The following MYH16 variants were observed in gnomAD, a reference collection of about 807,000 sequenced individuals.
MYH16 encodes the protein putative uncharacterized protein MYH16.
At chr7:99,270,716 T>C (rs1406748156) in intron 18 of MYH16, among the ~76,000 whole-genome samples, 1 of 151,734 alleles carries the variant, frequency 6.6e-6, no homozygotes, top group Non-Finnish European at 1.5e-5. Flanking sequence ...ACCCTATCTC[T>C]ACAATAATAA....
intron 20 of MYH16, among the ~76,000 whole-genome samples, chr7:99,274,712 C>T: frequency 7.5e-6 from 1 of 133,152 alleles, no homozygotes; most frequent in African/African-American, 3.0e-5. Context: ...CTCACTCTGT[C>T]ACCCAGGCTG....
chr7:99,284,080 A>C, intron 25 of MYH16, 62 bp downstream of exon 7: 1 of 398,252 alleles, frequency 2.5e-6, no homozygotes, highest in South Asian at 1.9e-5. Flanking sequence ...AGCTGCCTGG[A>C]GGGTGCCAGG....
chr7:99,285,567 C>A (rs1367793228), intron 27 of MYH16, 129 bp downstream of exon 9: 2 of 403,060 alleles, frequency 5.0e-6, no homozygotes, highest in South Asian at 1.9e-5. Context: ...AGTCTAGTTG[C>A]TTCTGGAGCA....
chr7:99,258,932 G>A (rs1451212160), intron 11 of MYH16, among the ~76,000 whole-genome samples: 1 of 152,128 alleles, frequency 6.6e-6, no homozygotes, highest in Non-Finnish European at 1.5e-5. Context: ...CTGCATGGCT[G>A]GGGAGGCCTC....
intron 27 of MYH16, among the ~76,000 whole-genome samples, chr7:99,285,785 T>C (rs1223586806): frequency 6.6e-6 from 1 of 152,154 alleles, no homozygotes; most frequent in Non-Finnish European, 1.5e-5. Flanking sequence ...CCTACCTTCA[T>C]TGGGATGAAG....
At chr7:99,294,133 A>ACCT (rs1792437615) in exon 33 of MYH16, 1 of 456,090 alleles carries the variant, frequency 2.2e-6, no homozygotes, top group Non-Finnish European at 4.4e-6. Flanking sequence ...TGAGGACCTC[A>ACCT]CCATCGACTT....
chr7:99,244,175 A>G (rs555594207), intron 2 of MYH16, among the ~76,000 whole-genome samples: 2 of 152,140 alleles, frequency 1.3e-5, no homozygotes, highest in East Asian at 3.9e-4. Flanking sequence ...CACCCATCCA[A>G]ACATCCAAAT....
exon 21 of MYH16, chr7:99,277,584 G>A (rs1792132831): frequency 2.2e-6 from 1 of 456,806 alleles, no homozygotes; most frequent in Non-Finnish European, 4.4e-6. Context: ...GGAGATGAAG[G>A]CCAAGGAGGA....
chr7:99,305,368 C>A (rs1384451526), intron 40 of MYH16, among the ~76,000 whole-genome samples: 3 of 152,152 alleles, frequency 2.0e-5, no homozygotes, highest in Admixed American at 6.5e-5. Flanking sequence ...ATTCTCCTTG[C>A]CTTTTTTTAC....
intron 23 of MYH16, among the ~76,000 whole-genome samples, chr7:99,281,725 T>C (rs11972017): frequency 0.26 from 39,481 of 151,872 alleles, 11,371 homozygotes; most frequent in African/African-American, 0.72. Context: ...AGGCCATGAG[T>C]TCTTGAGGCC....
At chr7:99,291,210 G>A (rs1049070347) in intron 30 of MYH16, 113 bp from the exon 12 acceptor site, 3 of 385,372 alleles carry the variant, frequency 7.8e-6, no homozygotes, top group Non-Finnish European at 1.0e-5. Flanking sequence ...CAGCTCCATT[G>A]GCCAAGCCAC....
chr7:99,272,759 G>A (rs1239601018), intron 19 of MYH16, among the ~76,000 whole-genome samples, 80 bp from the exon 1 acceptor site: 2 of 151,050 alleles, frequency 1.3e-5, no homozygotes, highest in Admixed American at 6.6e-5. Flanking sequence ...AAAAAAAAAA[G>A]GTAGGTCCAT....
chr7:99,293,297 G>T (rs1418401097), intron 32 of MYH16, among the ~76,000 whole-genome samples: 1 of 152,174 alleles, frequency 6.6e-6, no homozygotes, highest in Non-Finnish European at 1.5e-5. Flanking sequence ...CCTGCTGGCT[G>T]GTCCCATCCA....
At chr7:99,257,939 G>A (rs1307603499) in intron 10 of MYH16, among the ~76,000 whole-genome samples, 1 of 152,150 alleles carries the variant, frequency 6.6e-6, no homozygotes, top group African/African-American at 2.4e-5. Flanking sequence ...AAGCCACTGT[G>A]CCCAGCTGCC....
intron 1 of MYH16, among the ~76,000 whole-genome samples, chr7:99,242,280 T>C (rs927675507): frequency 6.6e-6 from 1 of 152,136 alleles, no homozygotes; most frequent in African/African-American, 2.4e-5. Context: ...TTTTTTCTTC[T>C]TTTCTTGCTT....
At chr7:99,300,699 A>G (rs1341054932) in intron 37 of MYH16, among the ~76,000 whole-genome samples, 1 of 152,090 alleles carries the variant, frequency 6.6e-6, no homozygotes, top group Non-Finnish European at 1.5e-5. Flanking sequence ...CCAGCTACTC[A>G]GGAGCCTGAG....
intron 28 of MYH16, among the ~76,000 whole-genome samples, chr7:99,287,619 C>G (rs947453987): frequency 3.3e-5 from 5 of 149,862 alleles, no homozygotes; most frequent in Non-Finnish European, 5.9e-5. Context: ...GCTCCATCTA[C>G]AAAGACACTA....
rs529762328 is a variant in MYH16 at position 99,293,970 on chromosome 7, T to C, written n.4150-48T>C. On this transcript the variant is annotated intron_variant and non_coding_transcript_variant, in intron 32 of 41. Coordinates refer to ENST00000439784, the Ensembl canonical transcript of MYH16. ...ACCCTGGCAGTGTGGAGATGGTGCCTGTAAGTGCCTATGTTTCCTTGACAG... is the reference window on the plus strand; with the variant it reads ...ACCCTGGCAGTGTGGAGATGGTGCCCGTAAGTGCCTATGTTTCCTTGACAG... The C allele has an allele frequency of 6.7e-5, 28 of 415,126 alleles. No homozygotes were observed. In the East Asian group the frequency reaches 1.9e-3, roughly 29 times the overall value. The allele number at this position is 415,126 out of a possible 1,614,324, so 25.7% of individuals were successfully genotyped here. A position where few individuals can be genotyped will look rare whatever the true frequency, so the allele number is the denominator to read the frequency against.
chr7:99,279,521 C>A (rs1196530337), exon 22 of MYH16: 1 of 456,586 alleles, frequency 2.2e-6, no homozygotes, highest in Admixed American at 2.3e-5. Flanking sequence ...AGCAAGAGAA[C>A]CTGATGGATG....
Sources: allele counts gnomAD v4.1 joint callset (sites outside exome capture counted in the v4.1 genomes callset), GRCh38; gene constraint gnomAD v4.1.1; transcripts MANE v1.5; gene names NCBI Gene and HGNC (gene_info 2026-07-23, HGNC 2026-07-21).